DRC1: variants seen among roughly 807,000 people sequenced by gnomAD.
DRC1 encodes dynein regulatory complex protein 1.
In DRC1, 74 loss-of-function variants were observed where a neutral mutation model predicts 98.7. That is an observed-to-expected ratio of 0.75 (90% CI 0.62 to 0.91). The LOEUF is 0.91. Among genes scored for constraint, DRC1 ranks in the 40% least tolerant of loss-of-function variants. The pLI is 0.00. For missense variants in DRC1, 875 were observed against 886.0 expected (o/e 0.99, Z 0.16); for synonymous variants, 336 against 334.1 (o/e 1.01, Z -0.06).
chr2:26,425,793 T>C (rs13429034), intron 4 of DRC1, among the ~76,000 whole-genome samples: 3,889 of 152,286 alleles, frequency 0.026, 144 homozygotes, highest in African/African-American at 0.081. Context: ...AAGTTCTTTA[T>C]GTATTTTGGA....
chr2:26,455,720 T>C (rs1664139774), intron 16 of DRC1, among the ~76,000 whole-genome samples: 1 of 152,266 alleles, frequency 6.6e-6, no homozygotes, highest in Admixed American at 6.5e-5. Flanking sequence ...GGGATATGAC[T>C]GGAGGGTCAT....
At chr2:26,448,314 T>C (rs536665823) in intron 10 of DRC1, 157 of 483,816 alleles carry the variant, frequency 3.2e-4, no homozygotes, top group Admixed American at 9.8e-4. Flanking sequence ...GTTGCAGGTT[T>C]AGAGACTATA....
chr2:26,443,080 A>G lies in DRC1; in HGVS notation c.1029-1142A>G, dbSNP rs1663758473. On this transcript the variant is annotated intron_variant, in intron 8 of 16. Transcript: ENST00000288710. ...TAGCTGTTTCTTTCTATCAGAGACT[A>G]AGGTAACGACTTTTTTTGCATTTTC... 3.3e-5 allele frequency among the ~76,000 whole-genome samples: 5 copies of G among 152,234 alleles called. No individual in the cohort carries two copies. The South Asian group carries it at 1.0e-3, about 31-fold the overall frequency.
intron 4 of DRC1, among the ~76,000 whole-genome samples, chr2:26,427,326 G>A (rs1358353536): frequency 6.6e-6 from 1 of 152,020 alleles, no homozygotes; most frequent in Non-Finnish European, 1.5e-5. Flanking sequence ...ACGTTGCCAA[G>A]TCTGGTCTCA....
In DRC1 at chr2:26,414,301, G is replaced by A. The variant is rs369691427; in HGVS notation, c.156-43G>A. ...CAAAACCTTTAAATATAGAATTTACGTATTAGAAATAACTTCATTTTCTCT... is the reference window on the plus strand; with the variant it reads ...CAAAACCTTTAAATATAGAATTTACATATTAGAAATAACTTCATTTTCTCT... On this transcript the variant is annotated intron_variant, in intron 1 of 16. Coordinates refer to ENST00000288710, the MANE Select transcript of DRC1 (RefSeq NM_145038.5). 9.9e-5 allele frequency: 158 copies of A among 1,599,016 alleles called. No individual in the cohort carries two copies. The African/African-American group carries it at 1.4e-3, about 14-fold the overall frequency.
At chr2:26,448,667 C>A (rs1206880831) in intron 10 of DRC1, 24 bp from the exon 11 acceptor site, 2 of 1,608,054 alleles carry the variant, frequency 1.2e-6, no homozygotes, top group Non-Finnish European at 1.7e-6. Flanking sequence ...TTCTTTCTCT[C>A]TCCTCCCCAT....
At position 26,454,985 on chromosome 2, in the gene DRC1, C is replaced by A; in HGVS notation, c.2064-146C>A. 1.5e-6 allele frequency: 2 copies of A among 1,312,706 alleles called. No homozygotes were observed. Among genetic ancestry groups the A allele is most frequent in the South Asian group, 1.3e-5 (1 of 79,754 alleles). The allele number at this position is 1,312,706 out of a possible 1,614,324, so 81.3% of individuals were successfully genotyped here. ...GGCCTGCCTGTTCTGTTCCTGCTAA[C>A]CTGGCTCACCTGGCGGCTGGGTGAA... On this transcript the variant is annotated intron_variant, in intron 15 of 16. Transcript: ENST00000288710. This position sits in a 1 kb window ranked among gnomAD's most constrained non-coding sequence, Gnocchi z 5.2.
At chr2:26,403,177 T>C (rs535140099) in intron 1 of DRC1, among the ~76,000 whole-genome samples, 19 of 152,334 alleles carry the variant, frequency 1.2e-4, no homozygotes, top group African/African-American at 4.6e-4. Flanking sequence ...TCAAAAAGTA[T>C]AGCATTCGCA....
At chr2:26,413,543 C>T (rs577751978) in intron 1 of DRC1, among the ~76,000 whole-genome samples, 38 of 152,298 alleles carry the variant, frequency 2.5e-4, no homozygotes, top group African/African-American at 8.9e-4. Flanking sequence ...AGAGTAATGA[C>T]ACCTCACAGG....
At chr2:26,451,258 C>T in intron 13 of DRC1, among the ~76,000 whole-genome samples, 1 of 152,148 alleles carries the variant, frequency 6.6e-6, no homozygotes, top group East Asian at 1.9e-4. Context: ...TCCCTCAAAA[C>T]CAGGTCTCAG....
intron 3 of DRC1, among the ~76,000 whole-genome samples, chr2:26,422,424 G>A (rs116152511): frequency 0.011 from 1,645 of 152,270 alleles, 16 homozygotes; most frequent in Non-Finnish European, 0.017. Flanking sequence ...AAGAACCTGC[G>A]TCAAGTCCTC....
At chr2:26,451,174 T>C (rs1663998880) in intron 13 of DRC1, among the ~76,000 whole-genome samples, 1 of 152,152 alleles carries the variant, frequency 6.6e-6, no homozygotes, top group South Asian at 2.1e-4. Context: ...ATTTGTCTCT[T>C]TGTAAAGGGA....
At position 26,450,046 on chromosome 2, in the gene DRC1, G is replaced by C. The variant is rs1251505912; in HGVS notation, c.1560G>C (p.Gln520His). The change falls in exon 12 of 17, where the codon CAG becomes CAC. Residue 520 changes from glutamine to histidine, a missense_variant. Coordinates refer to ENST00000288710, the MANE Select transcript of DRC1 (RefSeq NM_145038.5). ...KLLSLLLPLE[Q>H]NECYLLRLDA... Reference sequence around the variant, plus strand: ...TGAGCCTTCTCCTGCCCCTGGAGCAGAATGAATGCTATCTGCTGAGGCTGG... The same window carrying C: ...TGAGCCTTCTCCTGCCCCTGGAGCACAATGAATGCTATCTGCTGAGGCTGG... 6.2e-6 allele frequency: 10 copies of C among 1,613,742 alleles called. No individual in the cohort carries two copies. In the Admixed American group the frequency reaches 1.7e-4, roughly 27 times the overall value.
intron 2 of DRC1, 107 bp downstream of exon 2, chr2:26,414,538 C>A: frequency 1.0e-6 from 1 of 962,480 alleles, no homozygotes; most frequent in Non-Finnish European, 1.6e-6. Context: ...GTTGCTGTCT[C>A]TAGGCAGAAC....
chr2:26,422,426 C>T (rs955550633), intron 3 of DRC1, among the ~76,000 whole-genome samples: 3 of 152,156 alleles, frequency 2.0e-5, no homozygotes, highest in Non-Finnish European at 4.4e-5. Flanking sequence ...GAACCTGCGT[C>T]AAGTCCTCAG....
At chr2:26,436,082 G>T (rs981890291) in intron 7 of DRC1, among the ~76,000 whole-genome samples, 6 of 151,154 alleles carry the variant, frequency 4.0e-5, no homozygotes, top group Admixed American at 6.6e-5. Flanking sequence ...CCAGCAGTGT[G>T]TAAGCATTCC....
chr2:26,448,714 G>A lies in DRC1; in HGVS notation c.1420G>A (p.Ala474Thr), dbSNP rs145706376. 114 of 1,614,184 alleles carry A rather than the reference G, an allele frequency of 7.1e-5. No individual in the cohort carries two copies. The African/African-American group carries it at 1.2e-3, about 16-fold the overall frequency. ...RSEEEEAEEA[A>T]AEPESYLDLP... Reference sequence around the variant, plus strand: ...AGAAGAGGAGGAGGCAGAAGAGGCCGCCGCGGAACCAGAGTCCTACCTGGA... The same window carrying A: ...AGAAGAGGAGGAGGCAGAAGAGGCCACCGCGGAACCAGAGTCCTACCTGGA... Residue 474 changes from alanine to threonine, a missense_variant, in exon 11 of 17, where the codon GCC (alanine) becomes ACC (threonine). Physicochemically the swap from Ala to Thr is moderately conservative, Grantham distance 58. Coordinates refer to ENST00000288710, the MANE Select transcript of DRC1 (RefSeq NM_145038.5).
At chr2:26,420,955 G>T (rs750719860) in intron 2 of DRC1, among the ~76,000 whole-genome samples, 22 of 151,760 alleles carry the variant, frequency 1.4e-4, no homozygotes, top group Non-Finnish European at 2.8e-4. Context: ...GTAGAGATGG[G>T]GTTTCACCAT....
At position 26,404,408 on chromosome 2, in the gene DRC1, C is replaced by T. The variant is rs188455711; in HGVS notation, c.155+2264C>T. On this transcript the variant is annotated intron_variant, in intron 1 of 16. Transcript: ENST00000288710. Reference sequence around the variant, plus strand: ...AGCATGCATTTGGCCCAATCAGTAGCCACACATACTGTGCCTGAGGCTGTA... The same window carrying T: ...AGCATGCATTTGGCCCAATCAGTAGTCACACATACTGTGCCTGAGGCTGTA... 1.5e-3 allele frequency among the ~76,000 whole-genome samples: 232 copies of T among 152,304 alleles called. 1 individual carries two copies. Among genetic ancestry groups the T allele is most frequent in the Admixed American group, 9.4e-3 (144 of 15,306 alleles).
Sources: gnomAD v4.1 joint callset for allele counts (sites outside exome capture counted in the v4.1 genomes callset) on GRCh38, gnomAD v4.1.1 for gene constraint, Gnocchi (gnomAD v3.1) non-coding constraint, MANE v1.5 for transcripts, NCBI Gene and HGNC (gene_info 2026-07-23, HGNC 2026-07-21) for gene names.